The following INPP5J variants were observed in gnomAD, a reference collection of about 807,000 sequenced individuals.
INPP5J encodes inositol polyphosphate-5-phosphatase J, also known as phosphatidylinositol 4,5-bisphosphate 5-phosphatase A.
A neutral mutation model predicts 86.6 loss-of-function variants in INPP5J; 75 were observed. The ratio of observed to expected loss-of-function variants is 0.87; its 90% confidence interval spans 0.72 to 1.05. The LOEUF (loss-of-function observed/expected upper bound fraction) is 1.05, where lower values mean the gene tolerates loss of function less well. INPP5J is among the 50% of genes least tolerant of loss of function. The pLI is 0.00. For missense variants in INPP5J, 1,229 were observed against 1,341.2 expected, an observed-to-expected ratio of 0.92 and a Z score of 1.31; for synonymous variants, 540 against 550.0, an observed-to-expected ratio of 0.98 and a Z score of 0.25.
At chr22:31,127,109 C>T in intron 5 of INPP5J, 72 bp downstream of exon 5, 1 of 1,084,552 alleles carries the variant, frequency 9.2e-7, no homozygotes, top group Non-Finnish European at 1.4e-6. Flanking sequence ...CCGCCCCATG[C>T]ACAGCAAGGT....
Position 31,128,264 on chromosome 22 carries a change from G to T in INPP5J, c.1950G>T (p.Gly650=), listed in dbSNP as rs763285199. Reference sequence around the variant, plus strand: ...CCATTCTGAAGGGCTTTCAGGAGGGGCCCCTCAACTTCGCTCCCACCTTCA... The same window carrying T: ...CCATTCTGAAGGGCTTTCAGGAGGGTCCCCTCAACTTCGCTCCCACCTTCA... ...TWPILKGFQE[G]PLNFAPTFKF... Residue 650 remains glycine, a synonymous_variant, in exon 8 of 13, where the codon GGG becomes GGT. Coordinates refer to ENST00000331075, the MANE Select transcript of INPP5J (RefSeq NM_001284285.2). The T allele has an allele frequency of 1.2e-6, 2 of 1,601,972 alleles. No individual in the cohort carries two copies. The highest frequency in any genetic ancestry group is 1.1e-5 in the South Asian group (1 of 88,930).
rs1174405466 is a variant in INPP5J at position 31,122,991 on chromosome 22, T to G, written c.-24T>G. On this transcript the variant is annotated 5_prime_UTR_variant, in exon 1 of 13. Coordinates refer to ENST00000331075, the MANE Select transcript of INPP5J (RefSeq NM_001284285.2). ...AGAGCTGGAGCCGGAGCCAAGGGAG[T>G]CCAGGCTGCCGGGGGCTGCAGACAT... 4.3e-6 allele frequency: 6 copies of G among 1,395,064 alleles called. No homozygotes were observed. The highest frequency in any genetic ancestry group is 5.6e-6 in the Non-Finnish European group (6 of 1,066,456). 86.4% of individuals were successfully genotyped at this position (1,395,064 alleles called of 1,614,324 possible). A position where few individuals can be genotyped will look rare whatever the true frequency, so the allele number is the denominator to read the frequency against.
In INPP5J at chr22:31,125,129, C is replaced by T; in HGVS notation, c.390C>T (p.Gly130=). The change falls in exon 2 of 13, where the codon GGC becomes GGT. Residue 130 remains glycine, a synonymous_variant. Coordinates refer to ENST00000331075, the MANE Select transcript of INPP5J (RefSeq NM_001284285.2). ...AGPKPPPATT[G]SVLAPTSLGL... is the part of the protein sequence containing the mutation. ...CAAAGCCTCCCCCAGCGACCACAGGCTCAGTTCTGGCTCCGACGTCCCTGG... is the reference window on the plus strand; with the variant it reads ...CAAAGCCTCCCCCAGCGACCACAGGTTCAGTTCTGGCTCCGACGTCCCTGG... The T allele has an allele frequency of 1.9e-6, 3 of 1,550,296 alleles. 1 individual carries two copies. Among genetic ancestry groups the T allele is most frequent in the South Asian group, 2.4e-5 (2 of 84,060 alleles).
In INPP5J at chr22:31,125,768, G is replaced by A. The variant is rs1473514123; in HGVS notation, c.1029G>A (p.Lys343=). The A allele has an allele frequency of 8.4e-6, 13 of 1,553,480 alleles. No homozygotes were observed. Among genetic ancestry groups the A allele is most frequent in the Non-Finnish European group, 1.1e-5 (13 of 1,148,354 alleles). Residue 343 remains lysine, a synonymous_variant, in exon 2 of 13, where the codon AAG becomes AAA. Transcript: ENST00000331075. ...AGACTGTGCCCCCACCTCTGCCCAA[G>A]CCACCCCGATCACCCAGCCGTTCCC... ...SGQTVPPPLP[K]PPRSPSRSPS... is the part of the protein sequence containing the mutation.
rs201357007 is a variant in INPP5J, at chr22:31,126,449, G to A, written c.1345G>A (p.Gly449Ser). The change falls in exon 3 of 13, where the codon GGT becomes AGT. Residue 449 changes from glycine (G) to serine (S), a missense_variant. Gly to Ser is a moderately conservative substitution (Grantham distance 56, BLOSUM62 0). Transcript: ENST00000331075. ...DDVTSLLHLG[G>S]GDDSDGADMI... ...TGTCACATCCCTCCTCCACCTGGGC[G>A]GTGGTGACGACAGCGACGGCGCAGA... 6.7e-4 allele frequency: 1,089 copies of A among 1,613,806 alleles called. 2 individuals carry two copies. The highest frequency in any genetic ancestry group is 1.0e-3 in the Admixed American group (62 of 60,016).
In INPP5J at chr22:31,133,594, C is replaced by T. The variant is rs1922291356; in HGVS notation, c.2410-16C>T. The T allele has an allele frequency of 1.9e-6, 3 of 1,603,942 alleles. No homozygotes were observed. The South Asian group carries it at 3.3e-5, about 18-fold the overall frequency. On this transcript the variant is annotated splice_polypyrimidine_tract_variant and intron_variant, in intron 11 of 12. Transcript: ENST00000331075. ...CCCTGACCCCCAACTTAGGCTTATA[C>T]CCCTGGGCCTACCAGGTAACATTCA...
At chr22:31,133,574 A>AC in intron 11 of INPP5J, 36 bp from the exon 12 acceptor site, 1 of 1,595,668 alleles carries the variant, frequency 6.3e-7, no homozygotes, top group Non-Finnish European at 8.6e-7. Flanking sequence ...GGCCTCCCTG[A>AC]CCCCCAACTT....
At position 31,134,686 on chromosome 22, in the gene INPP5J, T is replaced by G; in HGVS notation, c.*267T>G. The G allele has an allele frequency of 2.6e-6, 1 of 389,826 alleles. No individual in the cohort carries two copies. 24.1% of individuals were successfully genotyped at this position (389,826 alleles called of 1,614,324 possible). The stretch of plus-strand genomic sequence containing the variant: ...GGAGGTCATCCATTAGGAATTAAAT[T>G]CTCCAGCCTCACTCTCGGCTCTTTC... On this transcript the variant is annotated 3_prime_UTR_variant, in exon 13 of 13. Coordinates refer to ENST00000331075, the MANE Select transcript of INPP5J (RefSeq NM_001284285.2).
rs770436883 is a variant in INPP5J, at chr22:31,125,889, C to T, written c.1150C>T (p.Leu384=). 2.2e-5 allele frequency: 36 copies of T among 1,611,360 alleles called. No individual in the cohort carries two copies. The highest frequency in any genetic ancestry group is 3.0e-5 in the Non-Finnish European group (35 of 1,178,360). The change falls in exon 2 of 13, where the codon CTG becomes TTG. Residue 384 remains leucine (L), a synonymous_variant. Coordinates refer to ENST00000331075, the MANE Select transcript of INPP5J (RefSeq NM_001284285.2). ...ACAGAGTACAGGGCCTGGCAGGTGC[C>T]TGAGCCCCAACCTTCAGGCCCAAGA... is the stretch of plus-strand genomic sequence containing the variant. ...GTQSTGPGRC[L]SPNLQAQEAP...
rs1037560069 is a variant in INPP5J at position 31,126,936 on chromosome 22, A to G, written c.1510A>G (p.Met504Val). 6.2e-6 allele frequency: 10 copies of G among 1,609,046 alleles called. No homozygotes were observed. The highest frequency in any genetic ancestry group is 8.5e-6 in the Non-Finnish European group (10 of 1,177,518). ...FNFVLVSSVR[M>V]QGVILLLFAK... is the part of the protein sequence containing the mutation. ...CCCGCTGCAGGTGAGTTCGGTGAGG[A>G]TGCAGGGTGTCATCCTGCTGCTGTT... The change falls in exon 5 of 13, where the codon ATG becomes GTG. Residue 504 changes from methionine (M) to valine (V), a missense_variant. Met to Val is a conservative substitution (Grantham distance 21). Transcript: ENST00000331075.
chr22:31,129,599 A>G (rs568635098), intron 9 of INPP5J, among the ~76,000 whole-genome samples: 133 of 138,420 alleles, frequency 9.6e-4, no homozygotes, highest in Middle Eastern at 8.5e-3. Context: ...GCTGGAGTGC[A>G]GTGGCGTGGT....
At chr22:31,131,729 T>C (rs1922083138) in intron 9 of INPP5J, among the ~76,000 whole-genome samples, 1 of 152,152 alleles carries the variant, frequency 6.6e-6, no homozygotes, top group Non-Finnish European at 1.5e-5. Context: ...TTAAGTCTCT[T>C]AGCCAAGGCA....
chr22:31,133,424 A>T lies in INPP5J; in HGVS notation c.2350A>T (p.Lys784Ter). 1 of 1,613,850 alleles carries T rather than the reference A, an allele frequency of 6.2e-7. No homozygotes were observed. The highest frequency in any genetic ancestry group is 8.5e-7 in the Non-Finnish European group (1 of 1,179,816). Residue 784 changes from lysine to a stop codon, truncating the protein, a stop_gained, in exon 11 of 13, where the codon AAG becomes TAG. Coordinates refer to ENST00000331075, the MANE Select transcript of INPP5J (RefSeq NM_001284285.2). LOFTEE classifies it high-confidence loss of function. ...CCCCCAGGTGGGTTTCCGCCATTGC[A>T]AGGACTATGTGGCTTATGTCTGGGC... ...GLYRVGFRHC[K>*]DYVAYVWAKH...
chr22:31,132,981 T>C, intron 9 of INPP5J, 117 bp from the exon 10 acceptor site: 1 of 1,335,680 alleles, frequency 7.5e-7, no homozygotes, highest in Non-Finnish European at 1.0e-6. Context: ...AGTTTCCCAG[T>C]CTGTAAAGTG....
rs537119742 is a variant in INPP5J at position 31,124,987 on chromosome 22, G to A, written c.248G>A (p.Arg83Gln). 8.2e-5 allele frequency: 130 copies of A among 1,586,734 alleles called. No homozygotes were observed. Among genetic ancestry groups the A allele is most frequent in the Non-Finnish European group, 1.0e-4 (117 of 1,166,600 alleles). ...CCGAGGCTGGCTCTGGCATCTCCCCGACCAATCCTGGCTCCACTGTGTACC... is the reference window on the plus strand; with the variant it reads ...CCGAGGCTGGCTCTGGCATCTCCCCAACCAATCCTGGCTCCACTGTGTACC... ...EGPRLALASP[R>Q]PILAPLCTPE... The change falls in exon 2 of 13, where the codon CGA (arginine) becomes CAA (glutamine). Residue 83 changes from arginine (R) to glutamine (Q), a missense_variant. Transcript: ENST00000331075.
At chr22:31,133,372 T>TCACAACACTGATTC in intron 10 of INPP5J, 34 bp from the exon 11 acceptor site, 1 of 1,610,568 alleles carries the variant, frequency 6.2e-7, no homozygotes, top group Non-Finnish European at 8.5e-7. Flanking sequence ...CATTATAGGG[T>TCACAACACTGATTC]CACAACACTG....
intron 9 of INPP5J, among the ~76,000 whole-genome samples, chr22:31,131,784 C>T (rs1484965989): frequency 6.6e-6 from 1 of 152,126 alleles, no homozygotes; most frequent in Non-Finnish European, 1.5e-5. Context: ...TGCTGCAAGG[C>T]CTTGGAGGGC....
intron 1 of INPP5J, 89 bp downstream of exon 1, chr22:31,123,208 CCTGA>C (rs1921028162): frequency 1.2e-6 from 1 of 802,138 alleles, no homozygotes; most frequent in African/African-American, 1.8e-5. Flanking sequence ...CCCTGGTGCT[CCTGA>C]CTGAGGGGCT....
At chr22:31,126,267 C>A in intron 2 of INPP5J, 109 bp from the exon 3 acceptor site, 2 of 981,904 alleles carry the variant, frequency 2.0e-6, no homozygotes, top group Non-Finnish European at 3.1e-6. Context: ...CTTCTTAGGG[C>A]TTTGGCCCAC....
Sources: allele counts gnomAD v4.1 joint callset (sites outside exome capture counted in the v4.1 genomes callset), GRCh38; gene constraint gnomAD v4.1.1; transcripts MANE v1.5; gene names NCBI Gene and HGNC (gene_info 2026-07-23, HGNC 2026-07-21).